The following AWAT1 variants were observed in gnomAD, a reference collection of about 807,000 sequenced individuals.
AWAT1 encodes the protein acyl-CoA wax alcohol acyltransferase 1, also known as diacyl-glycerol acyltransferase 2.
A neutral mutation model predicts 21.6 loss-of-function variants in AWAT1; 26 were observed. That is an observed-to-expected ratio of 1.20 (90% CI 0.88 to 1.67). The LOEUF (loss-of-function observed/expected upper bound fraction) is 1.67, where lower values mean the gene tolerates loss of function less well. Ranked by LOEUF, AWAT1 falls within the 40% of genes most tolerant of loss-of-function variation. AWAT1 has a pLI of 0.00. For synonymous variants in AWAT1, 102 were observed against 99.3 expected, an observed-to-expected ratio of 1.03 and a Z score of -0.16; for missense variants, 264 against 249.4, an observed-to-expected ratio of 1.06 and a Z score of -0.39.
At position 70,239,933 on chromosome X, in the gene AWAT1, G is replaced by C; in HGVS notation, c.831G>C (p.Val277=). The C allele has an allele frequency of 1.7e-6, 2 of 1,207,028 alleles. No homozygotes were observed. Among genetic ancestry groups the C allele is most frequent in the Non-Finnish European group, 1.1e-6 (1 of 892,259 alleles). Reference sequence around the variant, plus strand: ...CATACTCCAGGCCTATTGTCACTGTGGGTGAGTGCCACTCTCAGCCCCAGT... The same window carrying C: ...CATACTCCAGGCCTATTGTCACTGTCGGTGAGTGCCACTCTCAGCCCCAGT... ...LLPYSRPIVT[V]VGEPLPLPQI... is the part of the protein sequence containing the mutation. The change falls in exon 6 of 7, where the codon GTG becomes GTC. Residue 277 remains valine (V), a splice_region_variant and synonymous_variant. Transcript: ENST00000374521.
At chrX:70,237,285 T>C in intron 4 of AWAT1, 37 bp downstream of exon 4, 1 of 1,130,106 alleles carries the variant, frequency 8.8e-7, no homozygotes, top group Non-Finnish European at 1.2e-6. Context: ...TTCTGGTCCA[T>C]GTTTCTGCTT....
At position 70,240,026 on chromosome X, in the gene AWAT1, G is replaced by C. The variant is rs2085531586; in HGVS notation, c.832+92G>C. ...CAAAGAAGAGGGCAGCAGAGGGGAA[G>C]GTGGGAGCTGATCTGGGATGCGAGA... On this transcript the variant is annotated intron_variant, in intron 6 of 6. Coordinates refer to ENST00000374521, the MANE Select transcript of AWAT1 (RefSeq NM_001013579.3). 2.6e-6 allele frequency: 3 copies of C among 1,140,807 alleles called. No homozygotes were observed. In the African/African-American group the frequency reaches 5.3e-5, roughly 20 times the overall value. 94.0% of individuals were successfully genotyped at this position (1,140,807 alleles called of 1,213,427 possible).
In AWAT1 at chrX:70,240,028, T is replaced by G; in HGVS notation, c.832+94T>G. On this transcript the variant is annotated intron_variant, in intron 6 of 6. Coordinates refer to ENST00000374521, the MANE Select transcript of AWAT1 (RefSeq NM_001013579.3). ...AAGAAGAGGGCAGCAGAGGGGAAGG[T>G]GGGAGCTGATCTGGGATGCGAGAGT... The G allele has an allele frequency of 7.0e-6, 8 of 1,140,719 alleles. 1 individual carries two copies. The South Asian group carries it at 1.3e-4, about 19-fold the overall frequency. The allele number at this position is 1,140,719 out of a possible 1,213,427, so 94.0% of individuals were successfully genotyped here. A position where few individuals can be genotyped will look rare whatever the true frequency, so the allele number is the denominator to read the frequency against.
chrX:70,237,339 G>A, intron 4 of AWAT1, 91 bp downstream of exon 4: 11 of 753,398 alleles, frequency 1.5e-5, no homozygotes, highest in South Asian at 2.5e-5. Context: ...CCCCCCACCC[G>A]CCCCCATGTC....
rs1264212943 is a variant in AWAT1, at chrX:70,237,216, TC to T, written c.432del (p.Phe145LeufsTer14). The T allele has an allele frequency of 8.3e-7, 1 of 1,206,203 alleles. No individual in the cohort carries two copies. The stretch of plus-strand genomic sequence containing the variant: ...GCCACGCTGTCCTGGTTCTTCAAGA[TC>T]CCCTTTGTTAGGGAGTACCTCATGG... Reference protein sequence around the residue: ...HLATLSWFFKIPFVREYLMAK... With the variant: ...HLATLSWFFKXPFVREYLMAK... On this transcript the variant is annotated frameshift_variant, in exon 4 of 7. Transcript: ENST00000374521. LOFTEE classifies it high-confidence loss of function.
rs2085532951 is a variant in AWAT1, at chrX:70,240,259, G to A, written c.956G>A (p.Cys319Tyr). The A allele has an allele frequency of 8.3e-7, 1 of 1,211,194 alleles. No homozygotes were observed. The highest frequency in any genetic ancestry group is 3.0e-5 in the East Asian group (1 of 33,846). ...GACCAGCATAAGACCCACTATGGCTGCTCAGAGACCCAAAAGCTGTTTTTC... is the reference window on the plus strand; with the variant it reads ...GACCAGCATAAGACCCACTATGGCTACTCAGAGACCCAAAAGCTGTTTTTC... Reference protein sequence around the residue: ...LFDQHKTHYGCSETQKLFFL With the variant: ...LFDQHKTHYGYSETQKLFFL The change falls in exon 7 of 7, where the codon TGC becomes TAC. Residue 319 changes from cysteine (C) to tyrosine (Y), a missense_variant. Coordinates refer to ENST00000374521, the MANE Select transcript of AWAT1 (RefSeq NM_001013579.3).
chrX:70,240,369 C>G lies in AWAT1; in HGVS notation c.*79C>G. ...TCATCTGCCACTAACCAAAGACAGG[C>G]AGGAGATGAGGGAGGTTATATGTGG... On this transcript the variant is annotated 3_prime_UTR_variant, in exon 7 of 7. Coordinates refer to ENST00000374521, the MANE Select transcript of AWAT1 (RefSeq NM_001013579.3). 9.4e-7 allele frequency: 1 copy of G among 1,059,509 alleles called. No homozygotes were observed. Among genetic ancestry groups the G allele is most frequent in the East Asian group, 3.0e-5 (1 of 32,976 alleles). The allele number at this position is 1,059,509 out of a possible 1,213,427, so 87.3% of individuals were successfully genotyped here.
chrX:70,240,063 G>C, intron 6 of AWAT1, 73 bp from the exon 7 acceptor site: 1 of 1,158,083 alleles, frequency 8.6e-7, no homozygotes, highest in Non-Finnish European at 1.2e-6. Flanking sequence ...TCAGGCCCAA[G>C]GTAGGAGAGG....
chrX:70,239,438 C>A (rs973363124), intron 5 of AWAT1, among the ~76,000 whole-genome samples: 2 of 111,919 alleles, frequency 1.8e-5, no homozygotes, highest in African/African-American at 6.5e-5. Context: ...GACAGAATAC[C>A]TTATGCATCC....
rs752895931 is a variant in AWAT1, at chrX:70,237,159, C to T, written c.371C>T (p.Ser124Leu). 2.5e-6 allele frequency: 3 copies of T among 1,207,901 alleles called. No individual in the cohort carries two copies. The highest frequency in any genetic ancestry group is 3.4e-6 in the Non-Finnish European group (3 of 893,767). The part of the protein sequence containing the change: ...CNFCTEATGF[S>L]KTFPGITPHL... ...TTCTGCACTGAGGCCACAGGCTTCT[C>T]GAAGACCTTCCCAGGCATCACTCCT... The change falls in exon 4 of 7, where the codon TCG (serine) becomes TTG (leucine). Residue 124 changes from serine (S) to leucine (L), a missense_variant. Physicochemically the swap from Ser to Leu is moderately radical, Grantham distance 145. Coordinates refer to ENST00000374521, the MANE Select transcript of AWAT1 (RefSeq NM_001013579.3).
chrX:70,234,911 G>A, intron 1 of AWAT1, 140 bp downstream of exon 1: 1 of 485,319 alleles, frequency 2.1e-6, no homozygotes, highest in Non-Finnish European at 3.4e-6. Context: ...TAAAACCAAG[G>A]AGTCTTGAGT....
intron 2 of AWAT1, 67 bp from the exon 3 acceptor site, chrX:70,236,002 C>A: frequency 9.8e-7 from 1 of 1,020,170 alleles, no homozygotes; most frequent in Admixed American, 2.2e-5. Context: ...CTAGGGAATC[C>A]CTGAGTCCGT....
Position 70,236,141 on chromosome X carries a change from T to G in AWAT1, c.255+2T>G. ...ATCAGGGACTATTTCCCCATTACGG[T>G]AAGTATCTCTTCCCCAGTGTCCTCA... is the stretch of plus-strand genomic sequence containing the variant. On this transcript the variant is annotated splice_donor_variant, in intron 3 of 6. Transcript: ENST00000374521. LOFTEE classifies it high-confidence loss of function. The G allele has an allele frequency of 8.3e-7, 1 of 1,202,364 alleles. No homozygotes were observed. The highest frequency in any genetic ancestry group is 2.3e-4 in the Middle Eastern group (1 of 4,325).
In AWAT1 at chrX:70,237,122, G is replaced by A. The variant is rs765416872; in HGVS notation, c.334G>A (p.Ala112Thr). 1.6e-5 allele frequency: 19 copies of A among 1,204,943 alleles called. No homozygotes were observed. Among genetic ancestry groups the A allele is most frequent in the South Asian group, 3.6e-5 (2 of 55,778 alleles). ...VHPHGLLTFGAFCNFCTEATG... is the reference protein window; with the variant it reads ...VHPHGLLTFGTFCNFCTEATG... The stretch of plus-strand genomic sequence containing the variant: ...CCCCCATGGCCTCCTGACCTTTGGC[G>A]CCTTCTGCAACTTCTGCACTGAGGC... The change falls in exon 4 of 7, where the codon GCC becomes ACC. Residue 112 changes from alanine to threonine, a missense_variant. Physicochemically the swap from Ala to Thr is moderately conservative, Grantham distance 58 (BLOSUM62 0). Transcript: ENST00000374521.
chrX:70,234,686 C>T lies in AWAT1; in HGVS notation c.-10C>T. On this transcript the variant is annotated 5_prime_UTR_variant, in exon 1 of 7. Transcript: ENST00000374521. ...CTGAGATCTTTGCCTCCCTCAGGCT[C>T]CCGAGAATCATGGCTCATTCCAAGC... 3 of 1,208,040 alleles carry T rather than the reference C, an allele frequency of 2.5e-6. No individual in the cohort carries two copies. The highest frequency in any genetic ancestry group is 3.5e-5 in the African/African-American group (2 of 57,605).
Position 70,236,140 on chromosome X carries a change from G to T in AWAT1, c.255+1G>T, listed in dbSNP as rs1388257488. The T allele has an allele frequency of 1.7e-6, 2 of 1,202,493 alleles. No individual in the cohort carries two copies. The highest frequency in any genetic ancestry group is 1.1e-6 in the Non-Finnish European group (1 of 888,317). ...CATCAGGGACTATTTCCCCATTACG[G>T]TAAGTATCTCTTCCCCAGTGTCCTC... On this transcript the variant is annotated splice_donor_variant, in intron 3 of 6. Transcript: ENST00000374521. LOFTEE classifies it high-confidence loss of function.
chrX:70,238,546 T>C (rs1428908060), intron 5 of AWAT1, among the ~76,000 whole-genome samples, 163 bp downstream of exon 5: 2 of 112,528 alleles, frequency 1.8e-5, no homozygotes, highest in African/African-American at 3.2e-5. Flanking sequence ...AACTAGTTTC[T>C]AAGAGGCCAA....
chrX:70,234,792 G>A, intron 1 of AWAT1, 21 bp downstream of exon 1: 1 of 1,185,662 alleles, frequency 8.4e-7, no homozygotes, highest in Non-Finnish European at 1.1e-6. Context: ...ACCCAAGAGT[G>A]CATAGCAAGA....
chrX:70,238,138 G>A (rs1054946427), intron 4 of AWAT1, 74 bp from the exon 5 acceptor site: 2 of 1,011,087 alleles, frequency 2.0e-6, no homozygotes, highest in African/African-American at 3.8e-5. Flanking sequence ...ACAAGCCAGT[G>A]AAGAGCAGAG....
Sources: gnomAD v4.1 joint callset for allele counts (sites outside exome capture counted in the v4.1 genomes callset) on GRCh38, gnomAD v4.1.1 for gene constraint, MANE v1.5 for transcripts, NCBI Gene and HGNC (gene_info 2026-07-23, HGNC 2026-07-21) for gene names.